Variants in PCDHA4 observed in about 807,000 individuals in gnomAD.
The protein encoded by PCDHA4 is protocadherin alpha 4.
PCDHA4 carries 49 observed loss-of-function variants against 61.4 expected under a neutral mutation model. The ratio of observed to expected loss-of-function variants is 0.80; its 90% CI spans 0.63 to 1.01. The LOEUF (loss-of-function observed/expected upper bound fraction) is 1.01. PCDHA4 is among the 50% of genes least tolerant of loss of function. PCDHA4 has a pLI of 0.00. For synonymous variants in PCDHA4, 590 were observed against 550.3 expected (o/e 1.07, Z -1.01); for missense variants, 1,254 against 1,235.8 (o/e 1.01, Z -0.22).
chr5:140,902,621 TATTTAGTGGTG>T (rs2069605868), intron 1 of PCDHA4, among the ~76,000 whole-genome samples: 1 of 152,154 alleles, frequency 6.6e-6, no homozygotes, highest in Non-Finnish European at 1.5e-5. Context: ...ATGGGTAAGT[TATTTAGTGGTG>T]ATTTCTGAGA....
intron 1 of PCDHA4, chr5:140,831,144 A>G (rs1281536206): frequency 6.6e-6 from 1 of 152,224 alleles, no homozygotes; most frequent in Non-Finnish European, 1.5e-5. Context: ...TGATTTATTT[A>G]CTACCGATCT....
intron 1 of PCDHA4, chr5:140,868,560 T>C (rs2050524245): frequency 1.3e-5 from 2 of 152,862 alleles, no homozygotes; most frequent in South Asian, 2.1e-4. Flanking sequence ...TATTTTTATA[T>C]GAGGAACAAC....
At chr5:140,906,248 T>C (rs143429198) in intron 1 of PCDHA4, among the ~76,000 whole-genome samples, 45 of 152,272 alleles carry the variant, frequency 3.0e-4, no homozygotes, top group African/African-American at 1.1e-3. Context: ...CTTGAACCCA[T>C]ACACACCTCC....
At chr5:140,913,160 G>A (rs1437493261) in intron 1 of PCDHA4, among the ~76,000 whole-genome samples, 2 of 152,274 alleles carry the variant, frequency 1.3e-5, no homozygotes, top group East Asian at 3.9e-4. Flanking sequence ...AGTAGGATTG[G>A]TATTAGTTCT....
chr5:140,974,709 C>T (rs1385583490), intron 1 of PCDHA4, among the ~76,000 whole-genome samples: 1 of 152,092 alleles, frequency 6.6e-6, no homozygotes, highest in Non-Finnish European at 1.5e-5. Flanking sequence ...CCATGTTGTT[C>T]AAGCTGCTCT....
intron 1 of PCDHA4, chr5:140,836,178 G>C (rs2150254808): frequency 6.2e-7 from 1 of 1,613,826 alleles, no homozygotes. Flanking sequence ...TGCAGTTGAC[G>C]CTGACTCAGG....
At chr5:140,838,332 C>T (rs1177546709) in intron 1 of PCDHA4, among the ~76,000 whole-genome samples, 2 of 149,836 alleles carry the variant, frequency 1.3e-5, no homozygotes, top group African/African-American at 2.5e-5. Flanking sequence ...CCATGTTGCC[C>T]CGGCTGGTCT....
At chr5:140,842,856 C>T (rs782295377) in intron 1 of PCDHA4, 1 of 1,593,922 alleles carries the variant, frequency 6.3e-7, no homozygotes, top group African/African-American at 1.3e-5. Context: ...TCGGTGCACA[C>T]GGAGAGCGGC....
At chr5:140,921,091 C>G (rs893367475) in intron 1 of PCDHA4, among the ~76,000 whole-genome samples, 1 of 152,022 alleles carries the variant, frequency 6.6e-6, no homozygotes, top group Admixed American at 6.5e-5. Flanking sequence ...GAGAATCCTC[C>G]TGCCTCAGTC....
At chr5:140,967,783 C>T (rs1554229939) in intron 1 of PCDHA4, 1 of 1,614,186 alleles carries the variant, frequency 6.2e-7, no homozygotes, top group Admixed American at 1.7e-5. Flanking sequence ...AGGCGACTGA[C>T]CGGGGTCCAG....
chr5:140,907,412 A>G (rs889699438), intron 1 of PCDHA4, among the ~76,000 whole-genome samples: 5 of 152,232 alleles, frequency 3.3e-5, no homozygotes, highest in Non-Finnish European at 7.3e-5. Flanking sequence ...GAATACCACG[A>G]TGGTGGATAA....
intron 1 of PCDHA4, among the ~76,000 whole-genome samples, chr5:140,960,361 T>C (rs1262686301): frequency 2.6e-5 from 4 of 152,194 alleles, no homozygotes; most frequent in Non-Finnish European, 4.4e-5. Context: ...TGAAATAATA[T>C]GCCAACTCTT....
rs2150154867 is a variant in PCDHA4, at chr5:140,828,391, G to T, written c.2385+18819G>T. 5 of 1,614,294 alleles carry T rather than the reference G, an allele frequency of 3.1e-6. No individual in the cohort carries two copies. In the South Asian group the frequency reaches 5.5e-5, roughly 18 times the overall value. ...GCGAGGAGCTGTGCGGGCGGAGCGC[G>T]GAGTGCAGCATCCACCTGGAGGTGA... On this transcript the variant is annotated intron_variant, in intron 1 of 3. Coordinates refer to ENST00000530339, the MANE Select transcript of PCDHA4 (RefSeq NM_018907.4).
chr5:140,882,136 A>T (rs2058967821), intron 1 of PCDHA4: 14 of 1,486,890 alleles, frequency 9.4e-6, no homozygotes, highest in Non-Finnish European at 1.3e-5. Context: ...TCCTGCAGAA[A>T]ATATAGCAGA....
At chr5:140,993,540 A>T (rs1189758746) in intron 3 of PCDHA4, among the ~76,000 whole-genome samples, 7 of 151,678 alleles carry the variant, frequency 4.6e-5, no homozygotes, top group Non-Finnish European at 8.8e-5. Context: ...AGAGAGAGAT[A>T]GAGAAGTGAA....
At chr5:140,883,237 T>C in intron 1 of PCDHA4, 2 of 1,614,044 alleles carry the variant, frequency 1.2e-6, no homozygotes, top group Non-Finnish European at 1.7e-6. Context: ...TGGAGGCAGT[T>C]GACAAAGGAA....
Position 140,843,942 on chromosome 5 carries a change from A to C in PCDHA4, c.2385+34370A>C, listed in dbSNP as rs1779153148. On this transcript the variant is annotated intron_variant, in intron 1 of 3. Transcript: ENST00000530339. ...TTGAAACTCAAGTTATGGTTGGATG[A>C]TATCCATTTTTTACTGAATATTTAT... 11 of 569,722 alleles carry C rather than the reference A, an allele frequency of 1.9e-5. 1 individual carries two copies. The East Asian group carries it at 3.2e-4, about 17-fold the overall frequency. 35.3% of individuals were successfully genotyped at this position (569,722 alleles called of 1,614,324 possible).
chr5:140,900,780 C>T (rs1554189418), intron 1 of PCDHA4, among the ~76,000 whole-genome samples: 1 of 152,192 alleles, frequency 6.6e-6, no homozygotes, highest in Admixed American at 6.5e-5. Flanking sequence ...TTTGAGGAAA[C>T]TCCAAACTGT....
intron 1 of PCDHA4, chr5:140,829,457 G>T (rs2150168279): frequency 1.2e-6 from 2 of 1,613,878 alleles, no homozygotes; most frequent in Non-Finnish European, 1.7e-6. Flanking sequence ...TCCGGCGTTC[G>T]CGCAGCCCGA....
Sources: allele counts gnomAD v4.1 joint callset (sites outside exome capture counted in the v4.1 genomes callset), GRCh38; gene constraint gnomAD v4.1.1; transcripts MANE v1.5; gene names NCBI Gene and HGNC (gene_info 2026-07-23, HGNC 2026-07-21).